ESPN: variants seen among roughly 807,000 people sequenced by gnomAD.
ESPN encodes the protein espin, also known as autosomal recessive deafness type 36 protein.
In ESPN, 68 loss-of-function variants were observed where a neutral mutation model predicts 77.7. The ratio of observed to expected loss-of-function variants is 0.87; its 90% CI spans 0.72 to 1.07. ESPN has a LOEUF of 1.07. Ranked by LOEUF, ESPN falls within the 50% of genes least tolerant of loss-of-function variation. The pLI, the probability that ESPN is intolerant of heterozygous loss-of-function variation, is 0.00. For synonymous variants in ESPN, 449 were observed against 567.1 expected, an observed-to-expected ratio of 0.79 and a Z score of 2.96; for missense variants, 1,060 against 1,239.0, an observed-to-expected ratio of 0.86 and a Z score of 2.17.
intron 11 of ESPN, 22 bp downstream of exon 11, chr1:6,457,285 G>A: frequency 6.2e-7 from 1 of 1,614,188 alleles, no homozygotes; most frequent in Non-Finnish European, 8.5e-7. Context: ...GTCAGGCAGA[G>A]GCTGGCCTGG....
intron 10 of ESPN, chr1:6,456,024 C>T: frequency 2.5e-6 from 1 of 397,372 alleles, no homozygotes; most frequent in Non-Finnish European, 4.4e-6. Flanking sequence ...GCCGCCGCCC[C>T]CGCCCGCCGC....
At chr1:6,452,202 C>CA in intron 10 of ESPN, 106 bp downstream of exon 10, 4 of 1,017,616 alleles carry the variant, frequency 3.9e-6, no homozygotes, top group South Asian at 2.0e-5. Flanking sequence ...CATTTTCTTT[C>CA]TTTTTTTTTT....
rs191207930 is a variant in ESPN at position 6,443,699 on chromosome 1, G to A, written c.991-782G>A. Among the ~76,000 whole-genome samples, 59 of 152,348 alleles carry A rather than the reference G, an allele frequency of 3.9e-4. 1 individual carries two copies. In the East Asian group the frequency reaches 0.01, roughly 27 times the overall value. On this transcript the variant is annotated intron_variant, in intron 5 of 12. Coordinates refer to ENST00000645284, the MANE Select transcript of ESPN (RefSeq NM_031475.3). The stretch of plus-strand genomic sequence containing the variant: ...AATTACGGGGCCAATGAGCGCGGCC[G>A]CTGAGCCGTTACCTGGTGCCAGGCC...
Position 6,424,902 on chromosome 1 carries a change from A to G in ESPN, c.-54A>G, listed in dbSNP as rs537986514. 1,172 of 1,396,952 alleles carry G rather than the reference A, an allele frequency of 8.4e-4. 5 individuals carry two copies. The African/African-American group carries it at 0.016, about 20-fold the overall frequency. 86.5% of individuals were successfully genotyped at this position (1,396,952 alleles called of 1,614,324 possible). ...TCCTCTGGCCCGCAAGAACACGTGC[A>G]TGGCGTCCTGGGGAAGGCGCTGAGT... On this transcript the variant is annotated 5_prime_UTR_variant, in exon 1 of 13. It removes an upstream start codon present in the reference 5' UTR. Coordinates refer to ENST00000645284, the MANE Select transcript of ESPN (RefSeq NM_031475.3).
chr1:6,440,537 G>C, intron 3 of ESPN, 89 bp from the exon 4 acceptor site: 2 of 802,070 alleles, frequency 2.5e-6, no homozygotes, highest in Non-Finnish European at 3.4e-6. Context: ...GGGCGGGGGG[G>C]CGGGGGCGGG....
intron 2 of ESPN, among the ~76,000 whole-genome samples, chr1:6,433,219 C>T (rs1372453144): frequency 1.4e-4 from 21 of 151,226 alleles, no homozygotes; most frequent in Admixed American, 2.0e-4. Flanking sequence ...CTGAGGCGGG[C>T]GGATCACGAG....
intron 3 of ESPN, 92 bp from the exon 4 acceptor site, chr1:6,440,534 G>A (rs1158797954): frequency 9.2e-6 from 7 of 761,074 alleles, no homozygotes; most frequent in Admixed American, 4.9e-5. Context: ...GTGGGGCGGG[G>A]GGGCGGGGGC....
At chr1:6,461,227 T>C, downstream of ESPN, 1 of 738,794 alleles carries the variant, frequency 1.4e-6, no homozygotes. This position sits in a 1 kb window ranked among gnomAD's most constrained non-coding sequence, Gnocchi z 6.3. Flanking sequence ...AGTTGAGAAA[T>C]GTCTTCACCC....
chr1:6,457,388 GCC>G lies in ESPN; in HGVS notation c.2417+19_2417+20del. On this transcript the variant is annotated intron_variant, in intron 12 of 12. Coordinates refer to ENST00000645284, the MANE Select transcript of ESPN (RefSeq NM_031475.3). ...AGCAGAAGCGGTGAGTGCAGGGCTG[GCC>G]CCAACCTGCCACCCTTATCCCCACC... 6.2e-7 allele frequency: 1 copy of G among 1,614,172 alleles called. No individual in the cohort carries two copies. The highest frequency in any genetic ancestry group is 8.5e-7 in the Non-Finnish European group (1 of 1,180,018).
In ESPN at chr1:6,448,520, T is replaced by G; in HGVS notation, c.1465-121T>G. The G allele has an allele frequency of 7.3e-6, 6 of 823,174 alleles. No homozygotes were observed. In the South Asian group the frequency reaches 1.0e-4, roughly 14 times the overall value. 51.0% of individuals were successfully genotyped at this position (823,174 alleles called of 1,614,324 possible). A position where few individuals can be genotyped will look rare whatever the true frequency, so the allele number is the denominator to read the frequency against. On this transcript the variant is annotated intron_variant, in intron 7 of 12. Coordinates refer to ENST00000645284, the MANE Select transcript of ESPN (RefSeq NM_031475.3). ...GAACCAGGGGGTCTAGGAAGTCAGCTGCTGCACCCCTCGACGGCCGCTGGC... is the reference window on the plus strand; with the variant it reads ...GAACCAGGGGGTCTAGGAAGTCAGCGGCTGCACCCCTCGACGGCCGCTGGC...
chr1:6,445,099 GCA>G (rs896238206), intron 6 of ESPN, among the ~76,000 whole-genome samples: 12 of 151,494 alleles, frequency 7.9e-5, no homozygotes, highest in East Asian at 3.9e-4. Flanking sequence ...AGATATGCAC[GCA>G]CACACACACA....
At chr1:6,435,664 C>G (rs1318454512) in intron 2 of ESPN, among the ~76,000 whole-genome samples, 1 of 152,162 alleles carries the variant, frequency 6.6e-6, no homozygotes, top group African/African-American at 2.4e-5. Context: ...AGTCAGAGGT[C>G]TCCCCAAAGA....
chr1:6,428,335 C>G lies in ESPN; in HGVS notation c.404C>G (p.Thr135Arg). 1 of 1,612,994 alleles carries G rather than the reference C, an allele frequency of 6.2e-7. No homozygotes were observed. The highest frequency in any genetic ancestry group is 8.5e-7 in the Non-Finnish European group (1 of 1,179,974). The stretch of plus-strand genomic sequence containing the variant: ...GGCGGTGGGGACCCCACCGCGGCCA[C>G]AGACATGGGCGCCCTGCCTATCCAC... ...HHGGGDPTAA[T>R]DMGALPIHYA... The change falls in exon 2 of 13, where the codon ACA becomes AGA. Residue 135 changes from threonine (T) to arginine (R), a missense_variant. Physicochemically the swap from Thr to Arg is moderately conservative, Grantham distance 71. Transcript: ENST00000645284. This position sits in a 1 kb window ranked among gnomAD's most constrained non-coding sequence, Gnocchi z 5.4.
chr1:6,436,573 T>C (rs1160033716), intron 2 of ESPN, among the ~76,000 whole-genome samples: 2 of 151,988 alleles, frequency 1.3e-5, no homozygotes, highest in African/African-American at 4.8e-5. Context: ...GGTATGATCA[T>C]AGTTCCCTGC....
At chr1:6,454,445 C>T (rs1644012749) in intron 10 of ESPN, 6 of 398,862 alleles carry the variant, frequency 1.5e-5, no homozygotes, top group Non-Finnish European at 2.7e-5. Flanking sequence ...TGACGGCCGC[C>T]AGCTCGTGCT....
At chr1:6,445,593 G>A in intron 6 of ESPN, 71 bp from the exon 7 acceptor site, 1 of 1,541,900 alleles carries the variant, frequency 6.5e-7, no homozygotes, top group Non-Finnish European at 8.9e-7. Context: ...TCCAGGTGGT[G>A]GAGAGTCTCA....
intron 6 of ESPN, among the ~76,000 whole-genome samples, chr1:6,445,072 C>T (rs1453282149): frequency 6.6e-6 from 1 of 152,092 alleles, no homozygotes; most frequent in Non-Finnish European, 1.5e-5. Context: ...GCACACAGTG[C>T]TCTATTTCCA....
In ESPN at chr1:6,460,036, C is replaced by A. The variant is rs750909554; in HGVS notation, c.2455C>A (p.Arg819=). 6.2e-7 allele frequency: 1 copy of A among 1,613,540 alleles called. No individual in the cohort carries two copies. The change falls in exon 13 of 13, where the codon CGG becomes AGG. Residue 819 remains arginine (R), a synonymous_variant. Coordinates refer to ENST00000645284, the MANE Select transcript of ESPN (RefSeq NM_031475.3). ...EERQKQEELR[R]EKEQSEKLRT... Reference sequence around the variant, plus strand: ...GCGACAGAAGCAGGAGGAGCTGCGGCGGGAGAAGGAACAGTCAGAGAAGCT... The same window carrying A: ...GCGACAGAAGCAGGAGGAGCTGCGGAGGGAGAAGGAACAGTCAGAGAAGCT...
intron 10 of ESPN, among the ~76,000 whole-genome samples, chr1:6,452,631 G>A (rs537707766): frequency 4.5e-4 from 69 of 152,300 alleles, no homozygotes; most frequent in African/African-American, 1.2e-3. Context: ...AGGTCTGGGC[G>A]GGGCTGAGGC....
Sources: gnomAD v4.1 joint callset for allele counts (sites outside exome capture counted in the v4.1 genomes callset) on GRCh38, gnomAD v4.1.1 for gene constraint, Gnocchi (gnomAD v3.1) non-coding constraint, MANE v1.5 for transcripts, NCBI Gene and HGNC (gene_info 2026-07-23, HGNC 2026-07-21) for gene names.